LRMDA: variants seen among roughly 807,000 people sequenced by gnomAD.
LRMDA encodes the protein leucine-rich melanocyte differentiation-associated protein.
A neutral mutation model predicts 29.8 loss-of-function variants in LRMDA; 18 were observed. That is an observed-to-expected ratio of 0.60 (90% CI 0.42 to 0.90). LRMDA has a LOEUF of 0.90. LRMDA is among the 40% of genes least tolerant of loss of function. LRMDA has a pLI of 0.00. For synonymous variants in LRMDA, 125 were observed against 109.4 expected, an observed-to-expected ratio of 1.14 and a Z score of -0.89; for missense variants, 273 against 273.9, an observed-to-expected ratio of 1.00 and a Z score of 0.02.
intron 2 of LRMDA, among the ~76,000 whole-genome samples, chr10:75,904,928 A>G (rs925420756): frequency 3.3e-5 from 5 of 151,990 alleles, no homozygotes; most frequent in Non-Finnish European, 5.9e-5. Flanking sequence ...CTCTCCAGAG[A>G]GTGTTGATAA....
chr10:75,783,761 A>T (rs1471519103), intron 2 of LRMDA, among the ~76,000 whole-genome samples: 1 of 152,196 alleles, frequency 6.6e-6, no homozygotes, highest in Non-Finnish European at 1.5e-5. Flanking sequence ...AGCGCCAGGC[A>T]CATTACCTGG....
At chr10:76,488,628 T>C (rs1286622145) in intron 6 of LRMDA, among the ~76,000 whole-genome samples, 1 of 151,936 alleles carries the variant, frequency 6.6e-6, no homozygotes, top group African/African-American at 2.4e-5. Flanking sequence ...TGAATATTAG[T>C]GTATGCATGC....
chr10:76,256,643 G>A lies in LRMDA; in HGVS notation c.517-67758G>A, dbSNP rs116326709. 1.7e-3 allele frequency among the ~76,000 whole-genome samples: 264 copies of A among 152,228 alleles called. 1 individual carries two copies. Among genetic ancestry groups the A allele is most frequent in the African/African-American group, 6.0e-3 (249 of 41,534 alleles). On this transcript the variant is annotated intron_variant, in intron 5 of 6. Coordinates refer to ENST00000611255, the MANE Select transcript of LRMDA (RefSeq NM_001305581.2). ...TAAAGTGATAAAAATACTCATCTCTGGAAAAAAGCTGTCAATCTAAGTTCT... is the reference window on the plus strand; with the variant it reads ...TAAAGTGATAAAAATACTCATCTCTAGAAAAAAGCTGTCAATCTAAGTTCT...
chr10:76,150,528 A>C (rs1850420307), intron 5 of LRMDA, among the ~76,000 whole-genome samples: 1 of 152,224 alleles, frequency 6.6e-6, no homozygotes. Flanking sequence ...TCAGAATGTT[A>C]ATAAAACACT....
At chr10:76,444,333 G>A (rs970574598) in intron 6 of LRMDA, among the ~76,000 whole-genome samples, 1 of 152,164 alleles carries the variant, frequency 6.6e-6, no homozygotes, top group Non-Finnish European at 1.5e-5. Flanking sequence ...GAACACAGCT[G>A]AAAGAGGAGG....
chr10:76,390,838 C>T (rs1841715350), intron 6 of LRMDA, among the ~76,000 whole-genome samples: 1 of 152,180 alleles, frequency 6.6e-6, no homozygotes, highest in South Asian at 2.1e-4. Flanking sequence ...TTTCTTGACA[C>T]ATGTACTGAT....
intron 2 of LRMDA, among the ~76,000 whole-genome samples, chr10:75,724,720 A>G (rs1842610213): frequency 6.6e-6 from 1 of 152,160 alleles, no homozygotes; most frequent in African/African-American, 2.4e-5. Context: ...GGTTCTTCAT[A>G]TTCTTCTAGC....
chr10:76,338,680 C>T (rs1840999889), intron 6 of LRMDA, among the ~76,000 whole-genome samples: 1 of 150,292 alleles, frequency 6.7e-6, no homozygotes, highest in Non-Finnish European at 1.5e-5. Flanking sequence ...GACTAAAAGA[C>T]AGAGCACTAC....
intron 2 of LRMDA, among the ~76,000 whole-genome samples, chr10:75,947,483 A>T (rs960770192): frequency 6.6e-5 from 10 of 152,150 alleles, no homozygotes; most frequent in African/African-American, 1.9e-4. Context: ...AGGTGCCCAG[A>T]GTGCGAGGAG....
intron 2 of LRMDA, among the ~76,000 whole-genome samples, chr10:75,908,718 C>T (rs1366737210): frequency 6.6e-6 from 1 of 152,186 alleles, no homozygotes; most frequent in Non-Finnish European, 1.5e-5. Context: ...CTCCTATCCC[C>T]ATCTTGCTCC....
chr10:75,568,250 G>A (rs1334349596), intron 2 of LRMDA, among the ~76,000 whole-genome samples: 1 of 152,170 alleles, frequency 6.6e-6, no homozygotes, highest in Non-Finnish European at 1.5e-5. Context: ...TTAGCACAAT[G>A]TTTTGCTCAT....
chr10:75,587,332 T>C (rs1457614506), intron 2 of LRMDA, among the ~76,000 whole-genome samples: 1 of 151,800 alleles, frequency 6.6e-6, no homozygotes, highest in Non-Finnish European at 1.5e-5. Flanking sequence ...CGTTTTTTTG[T>C]TTGTTTGTTT....
chr10:75,867,012 T>G (rs894558431), intron 2 of LRMDA, among the ~76,000 whole-genome samples: 4 of 152,172 alleles, frequency 2.6e-5, no homozygotes, highest in Non-Finnish European at 5.9e-5. Context: ...CTTTAAATAA[T>G]ATGCTGTACA....
At chr10:76,089,621 A>C (rs983922921) in intron 5 of LRMDA, among the ~76,000 whole-genome samples, 6 of 152,114 alleles carry the variant, frequency 3.9e-5, no homozygotes, top group African/African-American at 1.2e-4. Flanking sequence ...GCATGAACCC[A>C]TTAACTCAGA....
chr10:76,001,387 A>G (rs1192284512), intron 2 of LRMDA, among the ~76,000 whole-genome samples: 1 of 152,218 alleles, frequency 6.6e-6, no homozygotes, highest in Non-Finnish European at 1.5e-5. Flanking sequence ...CAGCGTATCA[A>G]AGATATTAAA....
intron 5 of LRMDA, among the ~76,000 whole-genome samples, chr10:76,244,786 C>T (rs1852344691): frequency 6.6e-6 from 1 of 152,166 alleles, no homozygotes; most frequent in Admixed American, 6.5e-5. Context: ...TTACATCCCA[C>T]CAAATGCAGG....
rs532350367 is a variant in LRMDA, at chr10:75,974,079, G to T, written c.132-61929G>T. 2.7e-3 allele frequency among the ~76,000 whole-genome samples: 416 copies of T among 152,210 alleles called. 2 individuals carry two copies. The highest frequency in any genetic ancestry group is 4.5e-3 in the Non-Finnish European group (306 of 68,014). Reference sequence around the variant, plus strand: ...AACAACACATTTTTCACTTTTAAAGGGGCCAGTTTTGCATCTTCTATCTGT... The same window carrying T: ...AACAACACATTTTTCACTTTTAAAGTGGCCAGTTTTGCATCTTCTATCTGT... On this transcript the variant is annotated intron_variant, in intron 2 of 6. Coordinates refer to ENST00000611255, the MANE Select transcript of LRMDA (RefSeq NM_001305581.2).
chr10:75,750,203 GT>G (rs1462921599), intron 2 of LRMDA, among the ~76,000 whole-genome samples: 1 of 151,778 alleles, frequency 6.6e-6, no homozygotes, highest in African/African-American at 2.4e-5. Flanking sequence ...AGATGGGGTG[GT>G]CGGGCAGAGG....
chr10:75,502,247 G>T (rs996878102), intron 2 of LRMDA, among the ~76,000 whole-genome samples: 1 of 152,188 alleles, frequency 6.6e-6, no homozygotes, highest in African/African-American at 2.4e-5. Context: ...GTCCAACTGC[G>T]TGCCCAGGAA....
Sources: gnomAD v4.1 joint callset for allele counts (sites outside exome capture counted in the v4.1 genomes callset) on GRCh38, gnomAD v4.1.1 for gene constraint, MANE v1.5 for transcripts, NCBI Gene and HGNC (gene_info 2026-07-23, HGNC 2026-07-21) for gene names.